The following RORA variants were observed in gnomAD, a reference collection of about 807,000 sequenced individuals.
RORA encodes the protein nuclear receptor ROR-alpha.
Under a neutral mutation model 69.5 loss-of-function variants are expected in RORA, and 7 were observed. The observed-to-expected ratio is 0.10, with a 90% CI of 0.06 to 0.19. RORA has a LOEUF of 0.19. Among genes scored for constraint, RORA ranks in the 10% least tolerant of loss-of-function variants. The pLI is 1.00. For missense variants in RORA, 457 were observed against 663.0 expected (o/e 0.69, Z 3.41); for synonymous variants, 261 against 240.8 (o/e 1.08, Z -0.78).
chr15:61,187,087 A>G (rs1407013986), intron 1 of RORA, among the ~76,000 whole-genome samples: 1 of 152,248 alleles, frequency 6.6e-6, no homozygotes, highest in Non-Finnish European at 1.5e-5. Flanking sequence ...TGTCCATGAC[A>G]AAGATGAAGT....
intron 1 of RORA, among the ~76,000 whole-genome samples, chr15:61,060,837 G>T (rs749804186): frequency 2.6e-5 from 4 of 151,700 alleles, no homozygotes. Flanking sequence ...TAGCTGATGA[G>T]CCAAAAAAAA....
At chr15:61,089,061 A>G (rs2078666755) in intron 1 of RORA, among the ~76,000 whole-genome samples, 1 of 152,224 alleles carries the variant, frequency 6.6e-6, no homozygotes, top group African/African-American at 2.4e-5. Context: ...AGTGTAAAAC[A>G]GACCCCCTGA....
At chr15:60,962,018 G>A (rs1270175251) in intron 1 of RORA, among the ~76,000 whole-genome samples, 1 of 152,234 alleles carries the variant, frequency 6.6e-6, no homozygotes, top group Non-Finnish European at 1.5e-5. Context: ...ACATTGAAAG[G>A]TGCCCCGGTC....
At chr15:61,142,087 T>C (rs2079305097) in intron 1 of RORA, among the ~76,000 whole-genome samples, 1 of 152,220 alleles carries the variant, frequency 6.6e-6, no homozygotes, top group Non-Finnish European at 1.5e-5. Flanking sequence ...AGGATCACTC[T>C]GTGAATATAA....
At chr15:60,949,594 A>G (rs527271404) in intron 1 of RORA, among the ~76,000 whole-genome samples, 34 of 152,162 alleles carry the variant, frequency 2.2e-4, no homozygotes, top group African/African-American at 8.2e-4. Context: ...TGAGCTGGAC[A>G]CTCCACTGCA....
chr15:61,188,127 C>A (rs546870866), intron 1 of RORA, among the ~76,000 whole-genome samples: 8 of 152,302 alleles, frequency 5.3e-5, no homozygotes, highest in African/African-American at 1.4e-4. Context: ...CAACCCCAAG[C>A]TGTCTGGGCT....
At chr15:60,568,746 T>C (rs892670058) in intron 2 of RORA, among the ~76,000 whole-genome samples, 5 of 152,206 alleles carry the variant, frequency 3.3e-5, no homozygotes, top group African/African-American at 1.2e-4. Context: ...TAATATACAT[T>C]TATCTTGAAT....
intron 1 of RORA, among the ~76,000 whole-genome samples, chr15:61,012,007 A>G (rs1010819836): frequency 1.3e-5 from 2 of 152,236 alleles, no homozygotes; most frequent in African/African-American, 4.8e-5. Context: ...TGGGCATGCA[A>G]TACAAACATC....
intron 2 of RORA, among the ~76,000 whole-genome samples, chr15:60,659,221 G>A (rs1596103975): frequency 6.6e-6 from 1 of 152,192 alleles, no homozygotes; most frequent in Non-Finnish European, 1.5e-5. Context: ...GATTGTTAAT[G>A]AGTATTTTAA....
chr15:61,156,263 C>T (rs1331430042), intron 1 of RORA, among the ~76,000 whole-genome samples: 2 of 152,020 alleles, frequency 1.3e-5, no homozygotes, highest in Non-Finnish European at 2.9e-5. Context: ...GTTCCTGTTG[C>T]CATTTTAGTA....
At chr15:60,812,033 C>T (rs915659933) in intron 1 of RORA, among the ~76,000 whole-genome samples, 1 of 152,148 alleles carries the variant, frequency 6.6e-6, no homozygotes, top group African/African-American at 2.4e-5. Context: ...GAACTGTGCA[C>T]ATTGTGGGGA....
At chr15:60,813,317 G>A (rs1014761138) in intron 1 of RORA, among the ~76,000 whole-genome samples, 3 of 152,294 alleles carry the variant, frequency 2.0e-5, no homozygotes, top group Admixed American at 6.5e-5. Context: ...CTATCTGGAC[G>A]CCCAGCTGCT....
intron 1 of RORA, among the ~76,000 whole-genome samples, chr15:60,683,016 AT>A (rs935541460): frequency 7.2e-5 from 11 of 151,954 alleles, no homozygotes; most frequent in South Asian, 2.1e-4. Context: ...AGTCAGTGAC[AT>A]TTTTTTTCTT....
At chr15:60,734,642 G>A (rs752413382) in intron 1 of RORA, among the ~76,000 whole-genome samples, 1 of 152,084 alleles carries the variant, frequency 6.6e-6, no homozygotes, top group Admixed American at 6.5e-5. Flanking sequence ...TCCTGCGTGG[G>A]TACTTCTCTG....
intron 2 of RORA, among the ~76,000 whole-genome samples, chr15:60,644,865 A>C (rs1271869105): frequency 2.0e-5 from 3 of 152,160 alleles, no homozygotes; most frequent in Non-Finnish European, 4.4e-5. Context: ...TGCGGGGGCC[A>C]ATCACTGGGC....
chr15:61,080,507 A>G (rs994142592), intron 1 of RORA, among the ~76,000 whole-genome samples: 1 of 152,194 alleles, frequency 6.6e-6, no homozygotes, highest in Non-Finnish European at 1.5e-5. Flanking sequence ...AATAGATACC[A>G]TTTCCAAACC....
At chr15:60,595,440 A>G (rs1254572563) in intron 2 of RORA, among the ~76,000 whole-genome samples, 1 of 152,106 alleles carries the variant, frequency 6.6e-6, no homozygotes, top group Admixed American at 6.5e-5. Context: ...ACTTGAACCC[A>G]GGAAGTTGAG....
At position 60,783,340 on chromosome 15, in the gene RORA, A is replaced by G. The variant is rs11071560; in HGVS notation, c.167-104654T>C. ...ACCTCATCTCTGCAAAGGGGTGTTT[A>G]TTTCTTTTCTATTTAAAAATTAATT... is the stretch of plus-strand genomic sequence containing the variant. On this transcript the variant is annotated intron_variant, in intron 1 of 10. Transcript: ENST00000335670. Among the ~76,000 whole-genome samples, 599 of 152,220 alleles carry G rather than the reference A, an allele frequency of 3.9e-3. 13 individuals carry two copies. In the East Asian group the frequency reaches 0.04, roughly 10 times the overall value.
intron 1 of RORA, among the ~76,000 whole-genome samples, chr15:61,135,578 C>CAAAAAAA (rs11453914): frequency 8.9e-6 from 1 of 112,280 alleles, no homozygotes; most frequent in Non-Finnish European, 1.7e-5. Context: ...ATTTCCACAT[C>CAAAAAAA]AAAAAAAAAA....
Sources: gnomAD v4.1 joint callset for allele counts (sites outside exome capture counted in the v4.1 genomes callset) on GRCh38, gnomAD v4.1.1 for gene constraint, MANE v1.5 for transcripts, NCBI Gene and HGNC (gene_info 2026-07-23, HGNC 2026-07-21) for gene names.